ECE1: variants seen among roughly 807,000 people sequenced by gnomAD.
The protein encoded by ECE1 is endothelin converting enzyme 1, also known as endothelin-converting enzyme 1.
In ECE1, 35 loss-of-function variants were observed where a neutral mutation model predicts 98.6. The observed-to-expected ratio is 0.35, with a 90% confidence interval of 0.27 to 0.47. The LOEUF (loss-of-function observed/expected upper bound fraction) is 0.47, where lower values mean the gene tolerates loss of function less well. ECE1 is among the 20% of genes least tolerant of loss of function. ECE1 has a pLI of 1.00. For missense variants in ECE1, 814 were observed against 1,025.3 expected, an observed-to-expected ratio of 0.79 and a Z score of 2.81; for synonymous variants, 394 against 407.1, an observed-to-expected ratio of 0.97 and a Z score of 0.39.
intron 1 of ECE1, among the ~76,000 whole-genome samples, chr1:21,304,456 T>C (rs942464395): frequency 2.6e-5 from 4 of 151,842 alleles, no homozygotes; most frequent in African/African-American, 4.8e-5. Context: ...CCCAACCCCT[T>C]ATCTCCTCCT....
intron 2 of ECE1, among the ~76,000 whole-genome samples, chr1:21,280,648 G>C (rs112798404): frequency 7.9e-5 from 12 of 152,304 alleles, no homozygotes; most frequent in African/African-American, 2.2e-4. Flanking sequence ...AAGATGAGGA[G>C]ACTCAGACTC....
At chr1:21,328,967 G>C (rs947396103) in intron 1 of ECE1, among the ~76,000 whole-genome samples, 1 of 152,004 alleles carries the variant, frequency 6.6e-6, no homozygotes, top group Non-Finnish European at 1.5e-5. Flanking sequence ...TGGACATGCT[G>C]GCTGTTCATC....
At chr1:21,241,718 C>A (rs2098196636) in intron 10 of ECE1, among the ~76,000 whole-genome samples, 1 of 152,204 alleles carries the variant, frequency 6.6e-6, no homozygotes, top group African/African-American at 2.4e-5. Context: ...AGCCACCGCA[C>A]CCGGCCTGAG....
intron 1 of ECE1, among the ~76,000 whole-genome samples, chr1:21,306,985 C>T (rs1428304196): frequency 6.6e-6 from 1 of 152,188 alleles, no homozygotes; most frequent in Admixed American, 6.5e-5. Context: ...GTGCTCCTTC[C>T]AAAGCCCTGC....
At chr1:21,321,777 G>A (rs143591423) in intron 1 of ECE1, among the ~76,000 whole-genome samples, 139 of 152,188 alleles carry the variant, frequency 9.1e-4, no homozygotes, top group African/African-American at 2.9e-3. Context: ...CACCACACCC[G>A]GCTAATTTTT....
chr1:21,231,120 G>T (rs571561052), intron 14 of ECE1, among the ~76,000 whole-genome samples: 2 of 151,966 alleles, frequency 1.3e-5, no homozygotes, highest in African/African-American at 4.8e-5. Flanking sequence ...GAGCCACCGC[G>T]CCCAGCAATA....
chr1:21,314,435 T>C (rs1638791985), intron 1 of ECE1, among the ~76,000 whole-genome samples: 1 of 152,204 alleles, frequency 6.6e-6, no homozygotes, highest in Admixed American at 6.5e-5. Context: ...CAATCTGCCA[T>C]TGCACAATTA....
At chr1:21,306,629 G>A (rs1453194222) in intron 1 of ECE1, among the ~76,000 whole-genome samples, 7 of 152,074 alleles carry the variant, frequency 4.6e-5, no homozygotes, top group African/African-American at 1.4e-4. Context: ...CACTGCACCC[G>A]GCCATATTAT....
chr1:21,227,945 T>C lies in ECE1; in HGVS notation c.1767A>G (p.Thr589=). 1 of 1,553,088 alleles carries C rather than the reference T, an allele frequency of 6.4e-7. No individual in the cohort carries two copies. The highest frequency in any genetic ancestry group is 8.7e-7 in the Non-Finnish European group (1 of 1,147,816). The change falls in exon 15 of 19, where the codon ACA becomes ACG. Residue 589 remains threonine, a synonymous_variant. Coordinates refer to ENST00000374893, the MANE Select transcript of ECE1 (RefSeq NM_001397.3). The part of the protein sequence containing the change: ...PAGILQAPFY[T]RSSPKALNFG... ...AGGCAGCCTACTTGGGTGAGGAGCG[T>C]GTGTAGAATGGTGCCTGCAGGATCC...
intron 8 of ECE1, among the ~76,000 whole-genome samples, chr1:21,249,215 T>C (rs2098208621): frequency 2.0e-5 from 3 of 151,724 alleles, no homozygotes; most frequent in Admixed American, 6.6e-5. Context: ...TGGTGGTACA[T>C]GCCTGTAGTC....
At chr1:21,301,772 G>A (rs1638488730) in intron 1 of ECE1, among the ~76,000 whole-genome samples, 1 of 143,992 alleles carries the variant, frequency 6.9e-6, no homozygotes, top group Non-Finnish European at 1.5e-5. Context: ...GTTGCCGTGA[G>A]CCGAGATTGC....
chr1:21,278,548 T>C (rs2098250305), intron 3 of ECE1, among the ~76,000 whole-genome samples: 4 of 152,202 alleles, frequency 2.6e-5, no homozygotes, highest in Admixed American at 1.3e-4. Flanking sequence ...ACTTCCGCAT[T>C]GGATTAGCAA....
chr1:21,270,067 A>G (rs763791021), intron 4 of ECE1, among the ~76,000 whole-genome samples: 4 of 152,234 alleles, frequency 2.6e-5, no homozygotes, highest in Non-Finnish European at 5.9e-5. Context: ...ACAATGCACA[A>G]GAGCCCATTC....
intron 1 of ECE1, among the ~76,000 whole-genome samples, chr1:21,302,910 G>T (rs968171004): frequency 6.6e-6 from 1 of 152,190 alleles, no homozygotes; most frequent in East Asian, 1.9e-4. Flanking sequence ...GCAGCCTGCC[G>T]TGGCCCTGGG....
intron 4 of ECE1, among the ~76,000 whole-genome samples, chr1:21,271,158 T>A (rs1018191124): frequency 6.6e-6 from 1 of 152,150 alleles, no homozygotes; most frequent in African/African-American, 2.4e-5. Context: ...ACCCTGCTCA[T>A]CCTCAGGAAG....
At chr1:21,284,641 G>A (rs1253480783) in intron 2 of ECE1, among the ~76,000 whole-genome samples, 1 of 152,240 alleles carries the variant, frequency 6.6e-6, no homozygotes, top group East Asian at 1.9e-4. Flanking sequence ...TTTGGTTACA[G>A]AAGTGAGTGC....
chr1:21,230,534 C>A (rs1206692463), intron 14 of ECE1, among the ~76,000 whole-genome samples: 1 of 152,076 alleles, frequency 6.6e-6, no homozygotes, highest in East Asian at 1.9e-4. Flanking sequence ...TTACAAGCAC[C>A]CGCCACCACG....
chr1:21,269,892 G>A (rs1176981702), intron 4 of ECE1, among the ~76,000 whole-genome samples: 2 of 152,182 alleles, frequency 1.3e-5, no homozygotes, highest in Non-Finnish European at 2.9e-5. Flanking sequence ...TTGGCCTCGG[G>A]GTCAGGGTTG....
intron 2 of ECE1, chr1:21,279,599 T>C (rs781296807): frequency 2.0e-5 from 28 of 1,433,284 alleles, no homozygotes; most frequent in Non-Finnish European, 2.5e-5. Context: ...TCGATATGAG[T>C]GGAAGGAAAA....
Sources: allele counts gnomAD v4.1 joint callset (sites outside exome capture counted in the v4.1 genomes callset), GRCh38; gene constraint gnomAD v4.1.1; transcripts MANE v1.5; gene names NCBI Gene and HGNC (gene_info 2026-07-23, HGNC 2026-07-21).